Variants in FBXO8 observed in about 807,000 individuals in gnomAD.
FBXO8 encodes F-box protein 8, also known as F-box only protein 8.
FBXO8 carries 15 observed loss-of-function variants against 33.4 expected under a neutral mutation model. The ratio of observed to expected loss-of-function variants is 0.45; its 90% CI spans 0.30 to 0.69. FBXO8 has a LOEUF of 0.69. Among genes scored for constraint, FBXO8 ranks in the 30% least tolerant of loss-of-function variants. The probability of loss-of-function intolerance (pLI) is 0.08; values close to 1 mark genes in which losing one functional copy is unlikely to be tolerated. For missense variants in FBXO8, 274 were observed against 380.3 expected, an observed-to-expected ratio of 0.72 and a Z score of 2.32; for synonymous variants, 132 against 131.5, an observed-to-expected ratio of 1.00 and a Z score of -0.02.
At position 174,272,226 on chromosome 4, in the gene FBXO8, TCCAGGATCAC is replaced by T. The variant is rs1182337830; in HGVS notation, c.-8-9136_-8-9127del. Among the ~76,000 whole-genome samples the T allele has an allele frequency of 6.6e-6, 1 of 152,188 alleles. No homozygotes were observed. The highest frequency in any genetic ancestry group is 2.4e-5 in the African/African-American group (1 of 41,454). On this transcript the variant is annotated intron_variant, in intron 1 of 5. Transcript: ENST00000393674. The surrounding 1 kb of genome is among the most constrained non-coding windows in gnomAD (Gnocchi z 4.7). ...TCCTTAGTATTTGCAGTAGACTGGT[TCCAGGATCAC>T]CCCCTCATGTCACCTCCCCCAGATA...
chr4:174,277,041 A>T lies in FBXO8; in HGVS notation c.-9+6369T>A, dbSNP rs1440433340. On this transcript the variant is annotated intron_variant, in intron 1 of 5. Transcript: ENST00000393674. This position sits in a 1 kb window ranked among gnomAD's most constrained non-coding sequence, Gnocchi z 4.9. The stretch of plus-strand genomic sequence containing the variant: ...ACATAATTTTGGATGTATTTTTTTT[A>T]AAGTAGCAGTTTTAGTCTAACCAAG... 3.3e-5 allele frequency among the ~76,000 whole-genome samples: 5 copies of T among 152,178 alleles called. No homozygotes were observed. Among genetic ancestry groups the T allele is most frequent in the East Asian group, 1.9e-4 (1 of 5,190 alleles).
chr4:174,279,380 G>C (rs1328615237), intron 1 of FBXO8, among the ~76,000 whole-genome samples: 1 of 151,996 alleles, frequency 6.6e-6, no homozygotes, highest in Non-Finnish European at 1.5e-5. Context: ...ATAAATGGAA[G>C]TACATCCTGT....
In FBXO8 at chr4:174,259,686, G is replaced by A. The variant is rs1321227218; in HGVS notation, c.456+13C>T. On this transcript the variant is annotated intron_variant, in intron 3 of 5. Coordinates refer to ENST00000393674, the MANE Select transcript of FBXO8 (RefSeq NM_012180.3). The surrounding 1 kb of genome is among the most constrained non-coding windows in gnomAD (Gnocchi z 4.3). The stretch of plus-strand genomic sequence containing the variant: ...AAGGTCACTGGATACAAATATTCAA[G>A]TTCTTCACTAACCTCATCTGGGTTG... 1 of 1,606,318 alleles carries A rather than the reference G, an allele frequency of 6.2e-7. No homozygotes were observed. Among genetic ancestry groups the A allele is most frequent in the Admixed American group, 1.7e-5 (1 of 57,854 alleles).
In FBXO8 at chr4:174,256,477, T is replaced by C. The variant is rs1167704540; in HGVS notation, c.456+3222A>G. Among the ~76,000 whole-genome samples, 1 of 152,200 alleles carries C rather than the reference T, an allele frequency of 6.6e-6. No homozygotes were observed. Among genetic ancestry groups the C allele is most frequent in the Non-Finnish European group, 1.5e-5 (1 of 68,038 alleles). On this transcript the variant is annotated intron_variant, in intron 3 of 5. Transcript: ENST00000393674. The surrounding 1 kb of genome is among the most constrained non-coding windows in gnomAD (Gnocchi z 4.6). ...GTCATTCTAAAGTCTGGCTAAAGTATGACTCATACAGATAAGTGCTATATA... is the reference window on the plus strand; with the variant it reads ...GTCATTCTAAAGTCTGGCTAAAGTACGACTCATACAGATAAGTGCTATATA...
chr4:174,280,046 G>A (rs1338027542), intron 1 of FBXO8, among the ~76,000 whole-genome samples: 5 of 151,864 alleles, frequency 3.3e-5, no homozygotes, highest in African/African-American at 7.3e-5. Context: ...TATCAACAGA[G>A]TAAAAAGGCA....
At chr4:174,268,671 C>A (rs928452001) in intron 1 of FBXO8, among the ~76,000 whole-genome samples, 1 of 152,118 alleles carries the variant, frequency 6.6e-6, no homozygotes, top group Non-Finnish European at 1.5e-5. Context: ...CTCCTGACCT[C>A]GTGATCCGCC....
intron 4 of FBXO8, among the ~76,000 whole-genome samples, chr4:174,240,424 T>C (rs760421803): frequency 7.9e-5 from 12 of 151,920 alleles, no homozygotes; most frequent in Non-Finnish European, 1.6e-4. Flanking sequence ...AGGTAAACTA[T>C]TTTTAAGCCA....
In FBXO8 at chr4:174,277,263, C is replaced by G. The variant is rs573892321; in HGVS notation, c.-9+6147G>C. 3.2e-4 allele frequency among the ~76,000 whole-genome samples: 48 copies of G among 152,126 alleles called. No homozygotes were observed. The highest frequency in any genetic ancestry group is 7.9e-4 in the African/African-American group (33 of 41,528). On this transcript the variant is annotated intron_variant, in intron 1 of 5. Transcript: ENST00000393674. This position sits in a 1 kb window ranked among gnomAD's most constrained non-coding sequence, Gnocchi z 4.9. ...TTTGTTTCCTATTCAAAATAGTAGA[C>G]TATTTCTTAAAAAGACTAAAATACA... is the stretch of plus-strand genomic sequence containing the variant.
At chr4:174,280,393 C>T (rs1006823981) in intron 1 of FBXO8, among the ~76,000 whole-genome samples, 3 of 151,904 alleles carry the variant, frequency 2.0e-5, no homozygotes, top group East Asian at 1.9e-4. Context: ...GAATGTAATA[C>T]GTATGGTACA....
rs1736429661 is a variant in FBXO8 at position 174,256,931 on chromosome 4, T to C, written c.456+2768A>G. On this transcript the variant is annotated intron_variant, in intron 3 of 5. Coordinates refer to ENST00000393674, the MANE Select transcript of FBXO8 (RefSeq NM_012180.3). This position sits in a 1 kb window ranked among gnomAD's most constrained non-coding sequence, Gnocchi z 4.6. The stretch of plus-strand genomic sequence containing the variant: ...GCCAGGGAGTAAAAAAAAAAGAAAA[T>C]ACAGCCAACTCTCAATAACAATGGA... Among the ~76,000 whole-genome samples, 1 of 151,466 alleles carries C rather than the reference T, an allele frequency of 6.6e-6. No homozygotes were observed. Among genetic ancestry groups the C allele is most frequent in the South Asian group, 2.1e-4 (1 of 4,792 alleles).
chr4:174,271,317 G>C (rs1006786704), intron 1 of FBXO8, among the ~76,000 whole-genome samples: 2 of 152,118 alleles, frequency 1.3e-5, no homozygotes, highest in African/African-American at 4.8e-5. Context: ...CAAGAGGCTT[G>C]GGAGTCCAAA....
Position 174,239,053 on chromosome 4 carries a change from A to T in FBXO8, c.713T>A (p.Phe238Tyr). 1.9e-6 allele frequency: 3 copies of T among 1,605,748 alleles called. No homozygotes were observed. The highest frequency in any genetic ancestry group is 2.6e-6 in the Non-Finnish European group (3 of 1,175,428). Residue 238 changes from phenylalanine to tyrosine, a missense_variant, in exon 5 of 6, where the codon TTC becomes TAC. Physicochemically the swap from Phe to Tyr is conservative, Grantham distance 22. Coordinates refer to ENST00000393674, the MANE Select transcript of FBXO8 (RefSeq NM_012180.3). ...GTTGCAAGCACAGAATCTATGTGAG[A>T]ACTTTGTTATAAGAGTTTCAAGATA... ...GEYLETLITK[F>Y]SHRFCACNPD...
In FBXO8 at chr4:174,252,568, G is replaced by A. The variant is rs115943754; in HGVS notation, c.456+7131C>T. Among the ~76,000 whole-genome samples, 2,577 of 152,050 alleles carry A rather than the reference G, an allele frequency of 0.017. 83 individuals are homozygous for A. The highest frequency in any genetic ancestry group is 0.059 in the African/African-American group (2,430 of 41,454). ...CTAATACCCCTCATGGCTACCAGAT[G>A]GCTGCACATGGTCATGCCATTATAT... is the stretch of plus-strand genomic sequence containing the variant. On this transcript the variant is annotated intron_variant, in intron 3 of 5. Transcript: ENST00000393674. This position sits in a 1 kb window ranked among gnomAD's most constrained non-coding sequence, Gnocchi z 5.1.
chr4:174,251,044 A>T lies in FBXO8; in HGVS notation c.456+8655T>A, dbSNP rs184639476. On this transcript the variant is annotated intron_variant, in intron 3 of 5. Coordinates refer to ENST00000393674, the MANE Select transcript of FBXO8 (RefSeq NM_012180.3). This position sits in a 1 kb window ranked among gnomAD's most constrained non-coding sequence, Gnocchi z 4.2. ...ATGCACTTAAAAAGCTCAATGTACC[A>T]CTGTAAAGTCTCTAGTTACAATTAC... 1.3e-5 allele frequency among the ~76,000 whole-genome samples: 2 copies of T among 152,278 alleles called. No individual in the cohort carries two copies. Among genetic ancestry groups the T allele is most frequent in the East Asian group, 3.9e-4 (2 of 5,188 alleles).
intron 4 of FBXO8, among the ~76,000 whole-genome samples, chr4:174,240,616 T>C (rs1190474107): frequency 6.6e-6 from 1 of 151,716 alleles, no homozygotes; most frequent in Admixed American, 6.6e-5. Flanking sequence ...ATGTTACATT[T>C]TCATAATTTT....
chr4:174,264,526 G>A lies in FBXO8; in HGVS notation c.-8-1426C>T, dbSNP rs1045488802. Among the ~76,000 whole-genome samples the A allele has an allele frequency of 3.3e-5, 5 of 151,974 alleles. 1 individual carries two copies. The highest frequency in any genetic ancestry group is 2.1e-4 in the South Asian group (1 of 4,812). Reference sequence around the variant, plus strand: ...TATTTGGGTAATGGCCACTAAATTCGGTCATTTGTTGATTAAAACAGAAAA... The same window carrying A: ...TATTTGGGTAATGGCCACTAAATTCAGTCATTTGTTGATTAAAACAGAAAA... On this transcript the variant is annotated intron_variant, in intron 1 of 5. Coordinates refer to ENST00000393674, the MANE Select transcript of FBXO8 (RefSeq NM_012180.3).
Position 174,261,068 on chromosome 4 carries a change from T to C in FBXO8, c.330-1243A>G, listed in dbSNP as rs1158209022. ...GACTACCCTCTTAGTAGTTGATTTATACTGCTGCATTATTTTTACCCACCA... is the reference window on the plus strand; with the variant it reads ...GACTACCCTCTTAGTAGTTGATTTACACTGCTGCATTATTTTTACCCACCA... On this transcript the variant is annotated intron_variant, in intron 2 of 5. Coordinates refer to ENST00000393674, the MANE Select transcript of FBXO8 (RefSeq NM_012180.3). The surrounding 1 kb of genome is among the most constrained non-coding windows in gnomAD (Gnocchi z 4.1). Among the ~76,000 whole-genome samples the C allele has an allele frequency of 6.6e-6, 1 of 151,992 alleles. No homozygotes were observed.
chr4:174,238,973 T>G, intron 5 of FBXO8, 21 bp downstream of exon 5: 1 of 1,412,232 alleles, frequency 7.1e-7, no homozygotes, highest in Non-Finnish European at 9.4e-7. Context: ...GGTGATGTAC[T>G]ATTAATATAT....
In FBXO8 at chr4:174,281,100, G is replaced by C. The variant is rs1304920076; in HGVS notation, c.-9+2310C>G. ...TGTGATCCCATAAAAATAAAATGAG[G>C]GAAAAAACTCTGAAAAACAAATTAA... On this transcript the variant is annotated intron_variant, in intron 1 of 5. Coordinates refer to ENST00000393674, the MANE Select transcript of FBXO8 (RefSeq NM_012180.3). The surrounding 1 kb of genome is among the most constrained non-coding windows in gnomAD (Gnocchi z 4.6). Among the ~76,000 whole-genome samples, 2 of 151,922 alleles carry C rather than the reference G, an allele frequency of 1.3e-5. No homozygotes were observed. Among genetic ancestry groups the C allele is most frequent in the Non-Finnish European group, 2.9e-5 (2 of 67,976 alleles).
Sources: gnomAD v4.1 joint callset for allele counts (sites outside exome capture counted in the v4.1 genomes callset) on GRCh38, gnomAD v4.1.1 for gene constraint, Gnocchi (gnomAD v3.1) non-coding constraint, MANE v1.5 for transcripts, NCBI Gene and HGNC (gene_info 2026-07-23, HGNC 2026-07-21) for gene names.